CDH20: variants seen among roughly 807,000 people sequenced by gnomAD.
The protein encoded by CDH20 is cadherin-20.
Under a neutral mutation model 74.2 loss-of-function variants are expected in CDH20, and 29 were observed. The ratio of observed to expected loss-of-function variants is 0.39; its 90% CI spans 0.29 to 0.53. The LOEUF (loss-of-function observed/expected upper bound fraction) is 0.53, where lower values mean the gene tolerates loss of function less well. CDH20 is among the 20% of genes least tolerant of loss of function. The pLI is 0.69. For missense variants in CDH20, 988 were observed against 1,048.3 expected, an observed-to-expected ratio of 0.94 and a Z score of 0.79; for synonymous variants, 469 against 405.4, an observed-to-expected ratio of 1.16 and a Z score of -1.88.
chr18:61,456,290 G>T (rs1001531699), intron 1 of CDH20, among the ~76,000 whole-genome samples: 2 of 152,110 alleles, frequency 1.3e-5, no homozygotes, highest in Admixed American at 6.6e-5. Context: ...ACCTGGCCTG[G>T]ATATTCTATG....
chr18:61,527,874 C>T, intron 6 of CDH20, 93 bp from the exon 7 acceptor site: 1 of 1,181,136 alleles, frequency 8.5e-7, no homozygotes, highest in Non-Finnish European at 1.2e-6. Context: ...AATCTTCCCA[C>T]CAGCCATCAA....
At chr18:61,471,924 A>C (rs960330441) in intron 1 of CDH20, among the ~76,000 whole-genome samples, 1 of 152,328 alleles carries the variant, frequency 6.6e-6, no homozygotes, top group East Asian at 1.9e-4. Flanking sequence ...CCTTCCCATT[A>C]TCTTTTGTTT....
At chr18:61,467,757 T>C (rs990601820) in intron 1 of CDH20, among the ~76,000 whole-genome samples, 7 of 152,204 alleles carry the variant, frequency 4.6e-5, no homozygotes, top group East Asian at 1.9e-4. Flanking sequence ...TGCAATTCTA[T>C]GCATTGGAAA....
intron 1 of CDH20, among the ~76,000 whole-genome samples, chr18:61,400,919 T>C (rs1265551019): frequency 6.6e-6 from 1 of 152,196 alleles, no homozygotes; most frequent in Non-Finnish European, 1.5e-5. Flanking sequence ...TGACTCATAA[T>C]AAGTATTTAG....
intron 10 of CDH20, among the ~76,000 whole-genome samples, chr18:61,548,267 A>C (rs1913320779): frequency 6.6e-6 from 1 of 152,218 alleles, no homozygotes; most frequent in South Asian, 2.1e-4. Flanking sequence ...AGTTAATATT[A>C]CTAAACTAAA....
chr18:61,451,722 C>T (rs918999950), intron 1 of CDH20, among the ~76,000 whole-genome samples: 2 of 151,260 alleles, frequency 1.3e-5, no homozygotes, highest in East Asian at 3.9e-4. Flanking sequence ...CAAATCATGG[C>T]TGAATGTTGA....
At chr18:61,436,628 T>C (rs1908849512) in intron 1 of CDH20, among the ~76,000 whole-genome samples, 1 of 152,170 alleles carries the variant, frequency 6.6e-6, no homozygotes, top group Non-Finnish European at 1.5e-5. Flanking sequence ...TTGAGAGTCA[T>C]CAGCGTAATA....
intron 1 of CDH20, among the ~76,000 whole-genome samples, chr18:61,381,167 C>T (rs1911422492): frequency 6.6e-6 from 1 of 152,084 alleles, no homozygotes. Context: ...TTAAATATCA[C>T]CAAGTTGTCA....
intron 1 of CDH20, among the ~76,000 whole-genome samples, chr18:61,426,753 C>T (rs1735621379): frequency 6.6e-6 from 1 of 152,194 alleles, no homozygotes; most frequent in African/African-American, 2.4e-5. Context: ...TTTTAATAAA[C>T]ATTTGCAGTC....
intron 1 of CDH20, among the ~76,000 whole-genome samples, chr18:61,482,997 C>T (rs889901359): frequency 3.3e-5 from 5 of 152,202 alleles, no homozygotes; most frequent in Non-Finnish European, 7.3e-5. Context: ...CCCAGACAGG[C>T]CCTTTGCATC....
chr18:61,355,067 A>G (rs954842754), intron 1 of CDH20, among the ~76,000 whole-genome samples: 1 of 152,256 alleles, frequency 6.6e-6, no homozygotes, highest in African/African-American at 2.4e-5. Flanking sequence ...CCACTGCTGC[A>G]TCACTGGAGC....
At position 61,488,428 on chromosome 18, in the gene CDH20, C is replaced by T. The variant is rs140952942; in HGVS notation, c.-152-1974C>T. Among the ~76,000 whole-genome samples the T allele has an allele frequency of 2.0e-4, 31 of 152,262 alleles. 1 individual carries two copies. The East Asian group carries it at 5.2e-3, about 26-fold the overall frequency. On this transcript the variant is annotated intron_variant, in intron 1 of 11. Transcript: ENST00000262717. ...GTACTTTATCTGACTGTTCAAATGT[C>T]GGTTGGCACCTTAGTCATTTACAGG...
intron 1 of CDH20, among the ~76,000 whole-genome samples, chr18:61,391,209 C>T (rs1211264485): frequency 1.3e-5 from 2 of 151,898 alleles, no homozygotes; most frequent in Admixed American, 6.6e-5. Context: ...GGTCAGTAAA[C>T]ACATGAAAAG....
intron 1 of CDH20, among the ~76,000 whole-genome samples, chr18:61,375,279 TA>T (rs903334362): frequency 1.4e-3 from 218 of 152,304 alleles, no homozygotes; most frequent in African/African-American, 5.1e-3. Flanking sequence ...CAGAAGTGTT[TA>T]AAAGCTCTAA....
At chr18:61,485,540 C>T (rs1343307340) in intron 1 of CDH20, among the ~76,000 whole-genome samples, 1 of 152,144 alleles carries the variant, frequency 6.6e-6, no homozygotes, top group African/African-American at 2.4e-5. Context: ...CACCTAATGA[C>T]TGTCCCAGAA....
intron 1 of CDH20, among the ~76,000 whole-genome samples, chr18:61,481,334 A>C (rs1910582030): frequency 6.6e-6 from 1 of 152,228 alleles, no homozygotes; most frequent in Non-Finnish European, 1.5e-5. Context: ...TTAGGTCGTG[A>C]TAATCTGTAA....
intron 11 of CDH20, among the ~76,000 whole-genome samples, chr18:61,552,250 T>A (rs1024759622): frequency 6.6e-6 from 1 of 152,044 alleles, no homozygotes; most frequent in African/African-American, 2.4e-5. Context: ...GTGCCTATAG[T>A]ACACGAAGAA....
At chr18:61,443,498 G>A (rs1384831970) in intron 1 of CDH20, among the ~76,000 whole-genome samples, 2 of 152,134 alleles carry the variant, frequency 1.3e-5, no homozygotes, top group African/African-American at 4.8e-5. Flanking sequence ...GCTGGATGCA[G>A]CCACATGGAT....
At chr18:61,460,214 C>A (rs937555748) in intron 1 of CDH20, among the ~76,000 whole-genome samples, 1 of 152,080 alleles carries the variant, frequency 6.6e-6, no homozygotes, top group Non-Finnish European at 1.5e-5. Flanking sequence ...GTTTAAAATT[C>A]CAAAGGCATT....
Sources: gnomAD v4.1 joint callset for allele counts (sites outside exome capture counted in the v4.1 genomes callset) on GRCh38, gnomAD v4.1.1 for gene constraint, MANE v1.5 for transcripts, NCBI Gene and HGNC (gene_info 2026-07-23, HGNC 2026-07-21) for gene names.